Variants in POF1B observed in about 807,000 individuals in gnomAD.
The protein encoded by POF1B is POF1B actin binding protein, also known as protein POF1B.
POF1B carries 53 observed loss-of-function variants against 55.3 expected under a neutral mutation model. The observed-to-expected ratio is 0.96, with a 90% CI of 0.77 to 1.20. The LOEUF is 1.20. Ranked by LOEUF, POF1B falls within the 50% of genes most tolerant of loss-of-function variation. The pLI, the probability that POF1B is intolerant of heterozygous loss-of-function variation, is 0.00. For missense variants in POF1B, 478 were observed against 420.5 expected (o/e 1.14, Z -1.20); for synonymous variants, 188 against 148.3 (o/e 1.27, Z -1.95).
intron 5 of POF1B, among the ~76,000 whole-genome samples, chrX:85,346,561 C>T (rs1159001100): frequency 2.7e-5 from 3 of 109,799 alleles, no homozygotes; most frequent in African/African-American, 6.6e-5. Context: ...AAAAAACCAG[C>T]GACTGAAACT....
intron 4 of POF1B, among the ~76,000 whole-genome samples, chrX:85,356,493 A>G (rs1179156632): frequency 9.1e-6 from 1 of 110,453 alleles, no homozygotes; most frequent in Non-Finnish European, 1.9e-5. Flanking sequence ...TTGTCTAGGC[A>G]CTAACGATGT....
chrX:85,353,928 C>G (rs1933436861), intron 4 of POF1B, among the ~76,000 whole-genome samples: 1 of 111,049 alleles, frequency 9.0e-6, no homozygotes, highest in Non-Finnish European at 1.9e-5. Context: ...TCAGAGTGCC[C>G]AACAGATGAG....
At chrX:85,301,369 G>A (rs1415779761) in intron 15 of POF1B, among the ~76,000 whole-genome samples, 2 of 111,821 alleles carry the variant, frequency 1.8e-5, no homozygotes, top group Non-Finnish European at 3.8e-5. Flanking sequence ...AAAAAACACT[G>A]TCAGCTGAGA....
Position 85,311,284 on chromosome X carries a change from T to C in POF1B, c.958-3068A>G, listed in dbSNP as rs369985738. On this transcript the variant is annotated intron_variant, in intron 9 of 16. Coordinates refer to ENST00000262753, the MANE Select transcript of POF1B (RefSeq NM_024921.4). ...TTGTTACATAGGTATACACGTGCCA[T>C]GGTGGTTTCCTGCACCCATCAACCT... Among the ~76,000 whole-genome samples the C allele has an allele frequency of 5.2e-4, 58 of 111,128 alleles. No individual in the cohort carries two copies. In the South Asian group the frequency reaches 0.021, roughly 40 times the overall value.
At chrX:85,377,858 C>G (rs1173233153) in intron 2 of POF1B, among the ~76,000 whole-genome samples, 1 of 111,879 alleles carries the variant, frequency 8.9e-6, no homozygotes, top group Non-Finnish European at 1.9e-5. Flanking sequence ...TTTTAAATAT[C>G]TATTTATGTT....
chrX:85,363,153 C>T (rs1933656407), intron 3 of POF1B, among the ~76,000 whole-genome samples: 1 of 111,457 alleles, frequency 9.0e-6, no homozygotes, highest in South Asian at 3.7e-4. Flanking sequence ...CTTTATTAGT[C>T]TAGCCAGCAG....
intron 3 of POF1B, among the ~76,000 whole-genome samples, chrX:85,363,919 T>A (rs73513694): frequency 0.051 from 5,652 of 111,377 alleles, 311 homozygotes; most frequent in African/African-American, 0.16. Context: ...GCTTTATGAA[T>A]CTTGGTACAC....
At chrX:85,363,387 CTA>C (rs762489829) in intron 3 of POF1B, among the ~76,000 whole-genome samples, 1,544 of 111,199 alleles carry the variant, frequency 0.014, 30 homozygotes, top group African/African-American at 0.048. Flanking sequence ...GTGTTTAATG[CTA>C]TAAATTTCCC....
chrX:85,282,998 G>C (rs1395124836), intron 15 of POF1B, among the ~76,000 whole-genome samples: 2 of 111,504 alleles, frequency 1.8e-5, no homozygotes, highest in Non-Finnish European at 3.8e-5. Context: ...CCATCAGATA[G>C]ATACTGCAGA....
chrX:85,306,014 C>A, intron 12 of POF1B, 104 bp from the exon 13 acceptor site: 1 of 1,011,638 alleles, frequency 9.9e-7, no homozygotes, highest in Non-Finnish European at 1.3e-6. Context: ...TTAAATAAGA[C>A]ATTGAAATAA....
intron 9 of POF1B, among the ~76,000 whole-genome samples, chrX:85,314,080 C>A (rs1932760794): frequency 9.0e-6 from 1 of 110,715 alleles, no homozygotes; most frequent in Non-Finnish European, 1.9e-5. Context: ...TTTGATTTTT[C>A]TCTCTTTTCT....
At chrX:85,376,510 C>A (rs1205844587) in intron 2 of POF1B, among the ~76,000 whole-genome samples, 2 of 111,378 alleles carry the variant, frequency 1.8e-5, no homozygotes, top group African/African-American at 6.5e-5. Context: ...TTTAATTCTA[C>A]CATTAATTTA....
At position 85,297,175 on chromosome X, in the gene POF1B, C is replaced by T. The variant is rs1932326873; in HGVS notation, c.1649+6231G>A. On this transcript the variant is annotated intron_variant, in intron 15 of 16. Coordinates refer to ENST00000262753, the MANE Select transcript of POF1B (RefSeq NM_024921.4). ...ATTGGGTTTCAACTTTTACCTGTAT[C>T]TTGATCAGCTTCCTTGCCATCCAGA... Among the ~76,000 whole-genome samples the T allele has an allele frequency of 4.5e-5, 5 of 112,009 alleles. No homozygotes were observed. The South Asian group carries it at 1.9e-3, about 42-fold the overall frequency.
At chrX:85,372,767 T>TGAATAAA (rs1448393670) in intron 2 of POF1B, among the ~76,000 whole-genome samples, 5 of 102,788 alleles carry the variant, frequency 4.9e-5, no homozygotes, top group Non-Finnish European at 7.8e-5. Flanking sequence ...TATTATATTA[T>TGAATAAA]ATATACTATA....
At chrX:85,307,732 A>C (rs1172340924) in intron 10 of POF1B, among the ~76,000 whole-genome samples, 3 of 111,928 alleles carry the variant, frequency 2.7e-5, no homozygotes, top group Non-Finnish European at 5.6e-5. Flanking sequence ...AAATGGAAAA[A>C]AATTAATTTT....
intron 2 of POF1B, among the ~76,000 whole-genome samples, chrX:85,372,110 T>C (rs1397898459): frequency 3.6e-5 from 4 of 110,919 alleles, no homozygotes; most frequent in African/African-American, 1.3e-4. Context: ...TTTGGGAGGC[T>C]GAGGTGGGCG....
At chrX:85,332,519 T>TA (rs1348054527) in intron 6 of POF1B, among the ~76,000 whole-genome samples, 1 of 111,261 alleles carries the variant, frequency 9.0e-6, no homozygotes, top group Non-Finnish European at 1.9e-5. Flanking sequence ...ACATTGCATG[T>TA]AAAACCAAGT....
chrX:85,369,241 C>A (rs1477158192), intron 2 of POF1B, among the ~76,000 whole-genome samples: 2 of 111,233 alleles, frequency 1.8e-5, no homozygotes, highest in African/African-American at 6.5e-5. Flanking sequence ...AGATTATAGA[C>A]AAAACAGGTA....
At chrX:85,340,842 A>G (rs1933158499) in intron 6 of POF1B, among the ~76,000 whole-genome samples, 1 of 111,116 alleles carries the variant, frequency 9.0e-6, no homozygotes. Flanking sequence ...GAACCAGAAC[A>G]TTTGTGTATT....
Sources: gnomAD v4.1 joint callset for allele counts (sites outside exome capture counted in the v4.1 genomes callset) on GRCh38, gnomAD v4.1.1 for gene constraint, MANE v1.5 for transcripts, NCBI Gene and HGNC (gene_info 2026-07-23, HGNC 2026-07-21) for gene names.